Variants in MAP3K6 observed in about 807,000 individuals in gnomAD.
The protein encoded by MAP3K6 is apoptosis signal-regulating kinase 2.
In MAP3K6, 105 loss-of-function variants were observed where a neutral mutation model predicts 147.1. The observed-to-expected ratio is 0.71, with a 90% CI of 0.61 to 0.84. The LOEUF (loss-of-function observed/expected upper bound fraction) is 0.84. MAP3K6 is among the 40% of genes least tolerant of loss of function. The pLI is 0.00. For synonymous variants in MAP3K6, 695 were observed against 732.4 expected, an observed-to-expected ratio of 0.95 and a Z score of 0.82; for missense variants, 1,569 against 1,715.0, an observed-to-expected ratio of 0.91 and a Z score of 1.50.
In MAP3K6 at chr1:27,364,576, T is replaced by C. The variant is rs997552879; in HGVS notation, c.504+85A>G. The C allele has an allele frequency of 1.3e-6, 2 of 1,597,828 alleles. No homozygotes were observed. The highest frequency in any genetic ancestry group is 1.1e-5 in the South Asian group (1 of 90,626). ...GGATGTCAGTGGGGGGTTAGGTGAC[T>C]GAGGAGGCCAGGGGGATTAGTGGAG... On this transcript the variant is annotated intron_variant, in intron 3 of 28. Coordinates refer to ENST00000357582, the MANE Select transcript of MAP3K6 (RefSeq NM_004672.5). This position sits in a 1 kb window ranked among gnomAD's most constrained non-coding sequence, Gnocchi z 4.4.
intron 27 of MAP3K6, 43 bp downstream of exon 27, chr1:27,355,983 T>C (rs766874539): frequency 6.3e-7 from 1 of 1,579,182 alleles, no homozygotes; most frequent in Non-Finnish European, 8.7e-7. Flanking sequence ...GATGGAGGCT[T>C]TGGCTGGTGA....
rs781665957 is a variant in MAP3K6, at chr1:27,357,099, G to T, written c.3274C>A (p.Arg1092Ser). The T allele has an allele frequency of 6.2e-7, 1 of 1,613,934 alleles. No homozygotes were observed. The highest frequency in any genetic ancestry group is 8.5e-7 in the Non-Finnish European group (1 of 1,179,940). Residue 1092 changes from arginine (R) to serine (S), a missense_variant, in exon 24 of 29, where the codon CGC becomes AGC. Arg to Ser is a moderately radical substitution (Grantham distance 110). Transcript: ENST00000357582. ...AFPDAVKQIL[R>S]KRQIRPHWMF... ...CAGTGTGGACGGATCTGGCGCTTGC[G>T]GAGGATCTGCTTCACCTGCAGGGGG...
Position 27,360,927 on chromosome 1 carries a change from C to T in MAP3K6, c.1914G>A (p.Met638Ile), listed in dbSNP as rs1440763241. 4.4e-6 allele frequency: 7 copies of T among 1,608,512 alleles called. No homozygotes were observed. Among genetic ancestry groups the T allele is most frequent in the Non-Finnish European group, 5.1e-6 (6 of 1,177,452 alleles). Residue 638 changes from methionine to isoleucine, a missense_variant, in exon 14 of 29, where the codon ATG (methionine) becomes ATA (isoleucine). Coordinates refer to ENST00000357582, the MANE Select transcript of MAP3K6 (RefSeq NM_004672.5). This position sits in a 1 kb window ranked among gnomAD's most constrained non-coding sequence, Gnocchi z 4.5. ...CCCAGTCCCGCGTCCTCACCTCCAACATCTCCCCCGCGCCCTCCGCCTCCT... is the reference window on the plus strand; with the variant it reads ...CCCAGTCCCGCGTCCTCACCTCCAATATCTCCCCCGCGCCCTCCGCCTCCT... ...PAEEAEGAGE[M>I]LEFDYEYTET...
Position 27,359,492 on chromosome 1 carries a change from C to G in MAP3K6, c.2350G>C (p.Gly784Arg), listed in dbSNP as rs2015663494. The G allele has an allele frequency of 1.2e-6, 2 of 1,614,116 alleles. No individual in the cohort carries two copies. Among genetic ancestry groups the G allele is most frequent in the Non-Finnish European group, 1.7e-6 (2 of 1,180,008 alleles). The change falls in exon 18 of 29, where the codon GGG becomes CGG. Residue 784 changes from glycine to arginine, a missense_variant. Physicochemically the swap from Gly to Arg is moderately radical, Grantham distance 125. Transcript: ENST00000357582. The surrounding 1 kb of genome is among the most constrained non-coding windows in gnomAD (Gnocchi z 4.4). ...GDNVLINTFSGLLKISDFGTS... is the reference protein window; with the variant it reads ...GDNVLINTFSRLLKISDFGTS... ...CCGAAGTCAGAAATCTTGAGCAGCC[C>G]ACTGAAGGTGTTGATCAGCACATTG... is the stretch of plus-strand genomic sequence containing the variant.
chr1:27,362,298 G>A, intron 8 of MAP3K6, 48 bp from the exon 9 acceptor site: 1 of 1,553,598 alleles, frequency 6.4e-7, no homozygotes, highest in Non-Finnish European at 8.7e-7. Flanking sequence ...GCAGGGGTGA[G>A]TGAGGCCCAC....
rs368945888 is a variant in MAP3K6, at chr1:27,362,992, G to A, written c.1001C>T (p.Ala334Val). 48 of 1,613,810 alleles carry A rather than the reference G, an allele frequency of 3.0e-5. No homozygotes were observed. The highest frequency in any genetic ancestry group is 4.1e-5 in the Non-Finnish European group (48 of 1,179,984). The change falls in exon 7 of 29, where the codon GCC (alanine) becomes GTC (valine). Residue 334 changes from alanine to valine, a missense_variant. Coordinates refer to ENST00000357582, the MANE Select transcript of MAP3K6 (RefSeq NM_004672.5). ...RRNRPGDRAK[A>V]LSVLLPLVQL... is the part of the protein sequence containing the mutation. The stretch of plus-strand genomic sequence containing the variant: ...TACCAGCGGCAGCAGCACAGACAGG[G>A]CCTTCGCCCGGTCCCCAGGCCTGTT...
rs775821876 is a variant in MAP3K6, at chr1:27,358,197, C to T, written c.2899G>A (p.Gly967Ser). The T allele has an allele frequency of 1.3e-6, 2 of 1,592,024 alleles. No homozygotes were observed. Residue 967 changes from glycine (G) to serine (S), a missense_variant, in exon 21 of 29, where the codon GGC becomes AGC. By Grantham distance (56) the Gly-to-Ser change is moderately conservative (BLOSUM62 0). Coordinates refer to ENST00000357582, the MANE Select transcript of MAP3K6 (RefSeq NM_004672.5). This position sits in a 1 kb window ranked among gnomAD's most constrained non-coding sequence, Gnocchi z 6.2. Reference sequence around the variant, plus strand: ...TGGTCTCACCGGAGCTGGCTGGTGCCCCCATAACTGAGGCAGCGCTTCGGG... The same window carrying T: ...TGGTCTCACCGGAGCTGGCTGGTGCTCCCATAACTGAGGCAGCGCTTCGGG... ...SPPKRCLSYG[G>S]TSQLRVPEEP...
At position 27,360,339 on chromosome 1, in the gene MAP3K6, G is replaced by A. The variant is rs1252546926; in HGVS notation, c.2084C>T (p.Ala695Val). 9.9e-6 allele frequency: 16 copies of A among 1,613,910 alleles called. No individual in the cohort carries two copies. The highest frequency in any genetic ancestry group is 1.3e-5 in the Non-Finnish European group (15 of 1,179,984). The change falls in exon 16 of 29, where the codon GCT becomes GTT. Residue 695 changes from alanine to valine, a missense_variant. Coordinates refer to ENST00000357582, the MANE Select transcript of MAP3K6 (RefSeq NM_004672.5). This position sits in a 1 kb window ranked among gnomAD's most constrained non-coding sequence, Gnocchi z 4.5. ...RFSQPLHEEI[A>V]LHRRLRHKNI... ...CTTGTGGCGCAGGCGTCTGTGAAGA[G>A]CGATCTCTTCATGCAGGGGCTGAGA... is the stretch of plus-strand genomic sequence containing the variant.
chr1:27,359,853 C>G lies in MAP3K6; in HGVS notation c.2319+5G>C, dbSNP rs55884118. ...AGATGAGGGCGGGCCAGCCCCAGGG[C>G]TTACTTTTATGTCCCTGTGCACGAT... On this transcript the variant is annotated splice_donor_5th_base_variant and intron_variant, in intron 17 of 28. Coordinates refer to ENST00000357582, the MANE Select transcript of MAP3K6 (RefSeq NM_004672.5). This position sits in a 1 kb window ranked among gnomAD's most constrained non-coding sequence, Gnocchi z 4.4. 11 of 1,614,150 alleles carry G rather than the reference C, an allele frequency of 6.8e-6. No individual in the cohort carries two copies. In the East Asian group the frequency reaches 2.5e-4, roughly 36 times the overall value.
At chr1:27,356,787 C>G in intron 24 of MAP3K6, 38 bp from the exon 25 acceptor site, 1 of 1,527,150 alleles carries the variant, frequency 6.5e-7, no homozygotes, top group Non-Finnish European at 8.8e-7. Context: ...AAGGCTACAA[C>G]GCCCGTTTGG....
intron 8 of MAP3K6, among the ~76,000 whole-genome samples, 168 bp from the exon 9 acceptor site, chr1:27,362,418 AG>A (rs2015812124): frequency 6.6e-6 from 1 of 152,194 alleles, no homozygotes; most frequent in Non-Finnish European, 1.5e-5. Context: ...TGTGGAATTC[AG>A]GATGTAATGG....
rs768892438 is a variant in MAP3K6, at chr1:27,361,972, G to A, written c.1416-105C>T. The A allele has an allele frequency of 6.6e-5, 100 of 1,507,586 alleles. 1 individual carries two copies. The highest frequency in any genetic ancestry group is 5.8e-4 in the Admixed American group (26 of 44,902). The allele number at this position is 1,507,586 out of a possible 1,614,324, so 93.4% of individuals were successfully genotyped here. ...CTAGAACGTTGGCATGGGGTGCCAC[G>A]GGCACTGGTCTAAAAGCAGCCAGGT... is the stretch of plus-strand genomic sequence containing the variant. On this transcript the variant is annotated intron_variant, in intron 9 of 28. Coordinates refer to ENST00000357582, the MANE Select transcript of MAP3K6 (RefSeq NM_004672.5).
Position 27,355,764 on chromosome 1 carries a change from C to T in MAP3K6, c.3712-19G>A, listed in dbSNP as rs1480997721. On this transcript the variant is annotated intron_variant, in intron 27 of 28. Coordinates refer to ENST00000357582, the MANE Select transcript of MAP3K6 (RefSeq NM_004672.5). ...TCAACAGCTGGATGTGGTCAAAGAC[C>T]CGCAGAAAGAGGGAAATAAGAAATT... 1 of 1,609,348 alleles carries T rather than the reference C, an allele frequency of 6.2e-7. No individual in the cohort carries two copies. The highest frequency in any genetic ancestry group is 8.5e-7 in the Non-Finnish European group (1 of 1,175,892).
In MAP3K6 at chr1:27,361,523, G is replaced by C. The variant is rs1182156288; in HGVS notation, c.1683C>G (p.Thr561=). The change falls in exon 11 of 29, where the codon ACC becomes ACG. Residue 561 remains threonine, a synonymous_variant. Transcript: ENST00000357582. ...GGGGCCTCAGCAGCGACTTCACCTG[G>C]GTCTCAGGCTCCAGCAGGCTCAGGG... ...TVTLSLLEPE[T]QDIPSSWTFP... 13 of 1,614,112 alleles carry C rather than the reference G, an allele frequency of 8.1e-6. No individual in the cohort carries two copies. Among genetic ancestry groups the C allele is most frequent in the Non-Finnish European group, 1.1e-5 (13 of 1,179,988 alleles).
intron 1 of MAP3K6, among the ~76,000 whole-genome samples, chr1:27,365,736 T>C (rs1441251519): frequency 6.6e-6 from 1 of 151,160 alleles, no homozygotes; most frequent in African/African-American, 2.4e-5. Context: ...GCCCCTTCGC[T>C]TCTCTTTTTG....
In MAP3K6 at chr1:27,358,915, G is replaced by C; in HGVS notation, c.2426-49C>G. ...ATGCCCATCTAGGCTTCATCATGGG[G>C]TTGGAGCAGGGAGGGGAATGCCGTC... On this transcript the variant is annotated intron_variant, in intron 18 of 28. Transcript: ENST00000357582. The surrounding 1 kb of genome is among the most constrained non-coding windows in gnomAD (Gnocchi z 6.2). 1 of 1,523,678 alleles carries C rather than the reference G, an allele frequency of 6.6e-7. No individual in the cohort carries two copies. The highest frequency in any genetic ancestry group is 8.8e-7 in the Non-Finnish European group (1 of 1,134,912). 94.4% of individuals were successfully genotyped at this position (1,523,678 alleles called of 1,614,324 possible). A position where few individuals can be genotyped will look rare whatever the true frequency, so the allele number is the denominator to read the frequency against.
chr1:27,357,297 A>C (rs1384672892), intron 23 of MAP3K6, 103 bp downstream of exon 23: 3 of 1,457,590 alleles, frequency 2.1e-6, no homozygotes, highest in Non-Finnish European at 2.8e-6. Context: ...ATCTTCACAG[A>C]GGAGACAGGG....
rs2015508171 is a variant in MAP3K6 at position 27,356,013 on chromosome 1, C to T, written c.3711+13G>A. 1 of 1,613,094 alleles carries T rather than the reference C, an allele frequency of 6.2e-7. No homozygotes were observed. Among genetic ancestry groups the T allele is most frequent in the East Asian group, 2.2e-5 (1 of 44,886 alleles). ...TGGTGAGGTCAGGGATAGCCAAGCA[C>T]TCCCCGACTCACCATTTGGATGGTG... On this transcript the variant is annotated intron_variant, in intron 27 of 28. Coordinates refer to ENST00000357582, the MANE Select transcript of MAP3K6 (RefSeq NM_004672.5).
At position 27,363,948 on chromosome 1, in the gene MAP3K6, A is replaced by C; in HGVS notation, c.833T>G (p.Met278Arg). ...SVELLSPDII[M>R]NLLLSYRDVQ... ...ATCGCGGTAGGAGAGCAGCAAGTTC[A>C]TGATGATGTCGGGGCTCAGCAGCTC... is the stretch of plus-strand genomic sequence containing the variant. The change falls in exon 5 of 29, where the codon ATG becomes AGG. Residue 278 changes from methionine (M) to arginine (R), a missense_variant. Transcript: ENST00000357582. 1.2e-6 allele frequency: 2 copies of C among 1,606,588 alleles called. No individual in the cohort carries two copies. The highest frequency in any genetic ancestry group is 1.7e-4 in the Middle Eastern group (1 of 6,058).
Sources: allele counts gnomAD v4.1 joint callset (sites outside exome capture counted in the v4.1 genomes callset), GRCh38; gene constraint gnomAD v4.1.1; non-coding constraint Gnocchi (gnomAD v3.1); transcripts MANE v1.5; gene names NCBI Gene and HGNC (gene_info 2026-07-23, HGNC 2026-07-21).